Variants in FHOD3 observed in about 807,000 individuals in gnomAD.
FHOD3 encodes formin homology 2 domain containing 3.
In FHOD3, 90 loss-of-function variants were observed where a neutral mutation model predicts 173.0. The ratio of observed to expected loss-of-function variants is 0.52; its 90% CI spans 0.44 to 0.62. The LOEUF is 0.62. FHOD3 is among the 20% of genes least tolerant of loss of function. The pLI is 0.00. For missense variants in FHOD3, 1,945 were observed against 2,034.7 expected, an observed-to-expected ratio of 0.96 and a Z score of 0.85; for synonymous variants, 828 against 823.0, an observed-to-expected ratio of 1.01 and a Z score of -0.10.
intron 3 of FHOD3, among the ~76,000 whole-genome samples, chr18:36,414,482 G>A (rs1199207925): frequency 2.6e-5 from 4 of 152,170 alleles, no homozygotes; most frequent in Admixed American, 2.6e-4. Flanking sequence ...GCCAAAGGTG[G>A]CAGCAATACC....
chr18:36,472,851 T>C (rs1255571593), intron 3 of FHOD3, among the ~76,000 whole-genome samples: 2 of 152,224 alleles, frequency 1.3e-5, no homozygotes, highest in African/African-American at 4.8e-5. Context: ...TTTTTGGCTA[T>C]TATAACACTG....
In FHOD3 at chr18:36,744,049, A is replaced by G; in HGVS notation, c.3897A>G (p.Leu1299=). 1 of 1,614,162 alleles carries G rather than the reference A, an allele frequency of 6.2e-7. No individual in the cohort carries two copies. The highest frequency in any genetic ancestry group is 1.1e-5 in the South Asian group (1 of 91,076). The change falls in exon 23 of 29, where the codon TTA becomes TTG. Residue 1299 remains leucine, a synonymous_variant. Coordinates refer to ENST00000590592, the MANE Select transcript of FHOD3 (RefSeq NM_001281740.3). ...CAAAACAGGCCAAAGCGTTTGAGTT[A>G]AGCTACCTCGAGAAGGTTCCAGAAG... is the stretch of plus-strand genomic sequence containing the variant. ...LNGTNAKAFE[L]SYLEKVPEVK... is the part of the protein sequence containing the mutation.
chr18:36,642,347 C>T (rs1439633141), intron 10 of FHOD3, among the ~76,000 whole-genome samples: 1 of 152,044 alleles, frequency 6.6e-6, no homozygotes, highest in East Asian at 1.9e-4. Flanking sequence ...AGGCCAGGCG[C>T]AGTGGTTCAT....
chr18:36,667,183 G>A (rs1280130909), intron 14 of FHOD3, among the ~76,000 whole-genome samples: 3 of 152,126 alleles, frequency 2.0e-5, no homozygotes, highest in Non-Finnish European at 4.4e-5. Flanking sequence ...GTCTTTGTAT[G>A]TACATGTGCT....
chr18:36,477,183 G>T (rs1358580702), intron 3 of FHOD3, among the ~76,000 whole-genome samples: 2 of 152,130 alleles, frequency 1.3e-5, no homozygotes, highest in African/African-American at 4.8e-5. Flanking sequence ...GTGCACAAGG[G>T]TGGTCAGACC....
intron 9 of FHOD3, among the ~76,000 whole-genome samples, chr18:36,619,581 T>TTGCA (rs1451792832): frequency 6.6e-6 from 1 of 152,248 alleles, no homozygotes; most frequent in Non-Finnish European, 1.5e-5. Context: ...GCCTGAAGTA[T>TTGCA]TGCACTATCT....
At chr18:36,722,774 AG>A (rs902496233) in intron 19 of FHOD3, among the ~76,000 whole-genome samples, 1 of 152,076 alleles carries the variant, frequency 6.6e-6, no homozygotes, top group African/African-American at 2.4e-5. Context: ...AGTACAACCA[AG>A]GTTATGAGCC....
intron 5 of FHOD3, among the ~76,000 whole-genome samples, chr18:36,554,414 CT>C (rs2057788369): frequency 6.9e-6 from 1 of 145,112 alleles, no homozygotes; most frequent in Admixed American, 7.3e-5. Context: ...CGTATTCTCA[CT>C]CATAGATGGG....
At chr18:36,508,457 A>C (rs1016289987) in intron 4 of FHOD3, among the ~76,000 whole-genome samples, 3 of 152,190 alleles carry the variant, frequency 2.0e-5, no homozygotes, top group Non-Finnish European at 4.4e-5. Flanking sequence ...TACAGAGAGC[A>C]AGAAAGCTAT....
At chr18:36,643,468 C>T (rs564367664) in intron 10 of FHOD3, among the ~76,000 whole-genome samples, 1 of 152,222 alleles carries the variant, frequency 6.6e-6, no homozygotes, top group East Asian at 1.9e-4. Flanking sequence ...TGCAGAATCG[C>T]TGCCCTAGGG....
chr18:36,479,597 G>GTATA (rs3056806), intron 3 of FHOD3, among the ~76,000 whole-genome samples: 3 of 150,594 alleles, frequency 2.0e-5, no homozygotes, highest in Non-Finnish European at 3.0e-5. Flanking sequence ...GTACTATAAA[G>GTATA]TATATATATA....
At chr18:36,538,858 G>A (rs893558376) in intron 5 of FHOD3, among the ~76,000 whole-genome samples, 11 of 152,116 alleles carry the variant, frequency 7.2e-5, no homozygotes, top group African/African-American at 2.4e-4. Flanking sequence ...TGACTGGGGT[G>A]GTAGTTACAT....
chr18:36,681,475 G>A lies in FHOD3; in HGVS notation c.1875G>A (p.Gln625=), dbSNP rs1431288024. The stretch of plus-strand genomic sequence containing the variant: ...GTCTTCTCACATCATCCTTCAGGCA[G>A]CACCAAGAGTCACTGGCAGCAGAGA... ...PSGLLTSSFR[Q]HQESLAAERE... is the part of the protein sequence containing the mutation. The change falls in exon 15 of 29, where the codon CAG becomes CAA. Residue 625 remains glutamine (Q), a synonymous_variant. Transcript: ENST00000590592. 8 of 1,613,802 alleles carry A rather than the reference G, an allele frequency of 5.0e-6. No individual in the cohort carries two copies. Among genetic ancestry groups the A allele is most frequent in the Middle Eastern group, 1.6e-4 (1 of 6,082 alleles).
chr18:36,392,935 C>A (rs79882839), intron 3 of FHOD3, among the ~76,000 whole-genome samples: 2,486 of 152,310 alleles, frequency 0.016, 87 homozygotes, highest in Admixed American at 0.084. Context: ...CAAAGTGAAG[C>A]CTGTAACTCA....
chr18:36,748,368 A>G (rs932333910), intron 24 of FHOD3, among the ~76,000 whole-genome samples: 52 of 131,834 alleles, frequency 3.9e-4, no homozygotes, highest in African/African-American at 1.6e-3. Flanking sequence ...GCACGCGCAC[A>G]CACACACACA....
chr18:36,658,092 A>T lies in FHOD3; in HGVS notation c.1739A>T (p.Asn580Ile). Residue 580 changes from asparagine to isoleucine, a missense_variant, in exon 14 of 29, where the codon AAT (asparagine) becomes ATT (isoleucine). By Grantham distance (149) the Asn-to-Ile change is moderately radical. Transcript: ENST00000590592. ...CTTCTTAGATACAGCAATTTTGGCA[A>T]TAACTCTTATCACTCCTCAAGACCC... The part of the protein sequence containing the change: ...FSSNRYSNFG[N>I]NSYHSSRPSS... The T allele has an allele frequency of 6.2e-7, 1 of 1,608,104 alleles. No individual in the cohort carries two copies.
chr18:36,618,297 G>T (rs1302614606), intron 9 of FHOD3, among the ~76,000 whole-genome samples: 2 of 124,572 alleles, frequency 1.6e-5, no homozygotes, highest in Non-Finnish European at 1.7e-5. Context: ...ATTTGGTAAT[G>T]ATGTTTTTTG....
chr18:36,654,162 C>T (rs1029176251), intron 13 of FHOD3, among the ~76,000 whole-genome samples: 1 of 152,148 alleles, frequency 6.6e-6, no homozygotes, highest in African/African-American at 2.4e-5. Context: ...TTTCGGGGAC[C>T]CCAGTCTGGG....
chr18:36,610,113 C>T (rs772933414), intron 8 of FHOD3, among the ~76,000 whole-genome samples: 19 of 152,172 alleles, frequency 1.2e-4, no homozygotes, highest in African/African-American at 2.2e-4. Flanking sequence ...AGACTACCAG[C>T]GGCCTCTCTC....
Sources: allele counts gnomAD v4.1 joint callset (sites outside exome capture counted in the v4.1 genomes callset), GRCh38; gene constraint gnomAD v4.1.1; transcripts MANE v1.5; gene names NCBI Gene and HGNC (gene_info 2026-07-23, HGNC 2026-07-21).